Variants in CEP170 observed in about 807,000 individuals in gnomAD.
CEP170 encodes centrosomal protein 170.
In CEP170, 21 loss-of-function variants were observed where a neutral mutation model predicts 151.9. That is an observed-to-expected ratio of 0.14 (90% CI 0.10 to 0.20). CEP170 has a LOEUF of 0.20. Among genes scored for constraint, CEP170 ranks in the 10% least tolerant of loss-of-function variants. The pLI, the probability that CEP170 is intolerant of heterozygous loss-of-function variation, is 1.00. For missense variants in CEP170, 964 were observed against 1,892.9 expected, an observed-to-expected ratio of 0.51 and a Z score of 9.11; for synonymous variants, 356 against 648.8, an observed-to-expected ratio of 0.55 and a Z score of 6.86.
At chr1:243,151,216 G>C (rs914339431) in intron 14 of CEP170, among the ~76,000 whole-genome samples, 1 of 151,712 alleles carries the variant, frequency 6.6e-6, no homozygotes, top group African/African-American at 2.4e-5. Flanking sequence ...GTTGGTGTCA[G>C]TATGACCAAA....
chr1:243,153,335 G>A (rs2057283601), intron 14 of CEP170, among the ~76,000 whole-genome samples: 1 of 152,210 alleles, frequency 6.6e-6, no homozygotes, highest in African/African-American at 2.4e-5. Context: ...CAGTCGATAA[G>A]CCAGCGGCAG....
intron 14 of CEP170, among the ~76,000 whole-genome samples, chr1:243,149,493 T>C (rs2056859950): frequency 6.6e-6 from 1 of 152,150 alleles, no homozygotes; most frequent in Non-Finnish European, 1.5e-5. Context: ...AGGTGGTTTA[T>C]TTCCCTACTC....
At position 243,206,126 on chromosome 1, in the gene CEP170, C is replaced by T. The variant is rs181278902; in HGVS notation, c.275-5291G>A. ...AAAAAGCCAATTTCGAATTCTATCC[C>T]CAGCAACAGTAACTTTTTTTCTTTT... On this transcript the variant is annotated intron_variant, in intron 4 of 19. Transcript: ENST00000366542. Among the ~76,000 whole-genome samples, 3 of 152,226 alleles carry T rather than the reference C, an allele frequency of 2.0e-5. No individual in the cohort carries two copies. In the East Asian group the frequency reaches 5.8e-4, roughly 29 times the overall value.
rs191037350 is a variant in CEP170 at position 243,165,851 on chromosome 1, C to T, written c.2109G>A (p.Arg703=). ...TTTTGAGAGTCTCTCCATTTACTGC[C>T]CTGTTCATTTTACTCAAGGGTCTGT... The part of the protein sequence containing the change: ...DADRPLSKMN[R]AVNGETLKTG... The change falls in exon 13 of 20, where the codon AGG becomes AGA. Residue 703 remains arginine, a synonymous_variant. Transcript: ENST00000366542. 313 of 1,613,876 alleles carry T rather than the reference C, an allele frequency of 1.9e-4. 2 individuals are homozygous for T. In the East Asian group the frequency reaches 3.8e-3, roughly 20 times the overall value.
chr1:243,176,785 T>A (rs1461125100), intron 10 of CEP170: 1 of 393,894 alleles, frequency 2.5e-6, no homozygotes, highest in African/African-American at 2.1e-5. Flanking sequence ...TTACGTCTGA[T>A]AAAGGAGCTT....
At chr1:243,220,019 A>G in intron 3 of CEP170, among the ~76,000 whole-genome samples, 1 of 152,258 alleles carries the variant, frequency 6.6e-6, no homozygotes, top group East Asian at 1.9e-4. Context: ...CAAAATTGCT[A>G]ACATTCATGC....
intron 1 of CEP170, among the ~76,000 whole-genome samples, chr1:243,242,179 A>T (rs2149132689): frequency 6.6e-6 from 1 of 152,274 alleles, no homozygotes; most frequent in East Asian, 1.9e-4. Context: ...AATCGACCCA[A>T]TATCCACTAG....
At position 243,129,747 on chromosome 1, in the gene CEP170, A is replaced by G. The variant is rs77467038; in HGVS notation, c.4320-294T>C. Among the ~76,000 whole-genome samples the G allele has an allele frequency of 1.8e-4, 27 of 152,208 alleles. No individual in the cohort carries two copies. The East Asian group carries it at 5.0e-3, about 28-fold the overall frequency. On this transcript the variant is annotated intron_variant, in intron 17 of 19. Coordinates refer to ENST00000366542, the MANE Select transcript of CEP170 (RefSeq NM_014812.3). Reference sequence around the variant, plus strand: ...GATGTTATGACCTCAAAACTTTAATATTTATAATTTACAATACAGTAATGC... The same window carrying G: ...GATGTTATGACCTCAAAACTTTAATGTTTATAATTTACAATACAGTAATGC...
chr1:243,129,213 G>C (rs1050906641), intron 18 of CEP170, 147 bp downstream of exon 18: 3 of 500,240 alleles, frequency 6.0e-6, no homozygotes, highest in Admixed American at 3.7e-5. Context: ...AAACCTGTGA[G>C]TCAGTAGAAG....
chr1:243,178,277 C>G (rs561675076), intron 10 of CEP170, among the ~76,000 whole-genome samples: 3 of 137,764 alleles, frequency 2.2e-5, no homozygotes, highest in African/African-American at 8.3e-5. Context: ...CCACTGCACT[C>G]CAGCCTGGGC....
intron 10 of CEP170, among the ~76,000 whole-genome samples, chr1:243,182,973 T>A (rs1463109575): frequency 2.1e-5 from 3 of 144,918 alleles, no homozygotes; most frequent in Non-Finnish European, 4.6e-5. Context: ...AGTGACTACT[T>A]TTTTTTTTTT....
At chr1:243,235,739 A>C (rs2064189857) in intron 1 of CEP170, among the ~76,000 whole-genome samples, 1 of 152,130 alleles carries the variant, frequency 6.6e-6, no homozygotes, top group Non-Finnish European at 1.5e-5. Flanking sequence ...ATACCACACC[A>C]CATATTCTAT....
intron 1 of CEP170, among the ~76,000 whole-genome samples, chr1:243,245,824 C>T (rs1376722705): frequency 6.6e-6 from 1 of 151,928 alleles, no homozygotes; most frequent in African/African-American, 2.4e-5. Context: ...CCCATGCCTA[C>T]AGTCCCAGCT....
chr1:243,164,969 T>C lies in CEP170; in HGVS notation c.2991A>G (p.Thr997=), dbSNP rs371745501. Residue 997 remains threonine, a synonymous_variant, in exon 13 of 20, where the codon ACA becomes ACG. Coordinates refer to ENST00000366542, the MANE Select transcript of CEP170 (RefSeq NM_014812.3). ...KMEKKTKSRS[T]DVGSRADGRK... Reference sequence around the variant, plus strand: ...GACCATCTGCTCTTGAACCCACATCTGTGGAACGACTTTTTGTTTTCTTTT... The same window carrying C: ...GACCATCTGCTCTTGAACCCACATCCGTGGAACGACTTTTTGTTTTCTTTT... 42 of 1,613,896 alleles carry C rather than the reference T, an allele frequency of 2.6e-5. No individual in the cohort carries two copies. The African/African-American group carries it at 5.5e-4, about 21-fold the overall frequency.
rs192889442 is a variant in CEP170, at chr1:243,203,670, A to G, written c.275-2835T>C. ...GAAAAACATATTTTTCAAAATTAAT[A>G]TATTTCATACATGTGATTTAAAAAA... is the stretch of plus-strand genomic sequence containing the variant. On this transcript the variant is annotated intron_variant, in intron 4 of 19. Coordinates refer to ENST00000366542, the MANE Select transcript of CEP170 (RefSeq NM_014812.3). Among the ~76,000 whole-genome samples, 36 of 152,264 alleles carry G rather than the reference A, an allele frequency of 2.4e-4. No individual in the cohort carries two copies. In the East Asian group the frequency reaches 4.8e-3, roughly 20 times the overall value.
At chr1:243,158,641 CA>C (rs1423154221) in intron 13 of CEP170, among the ~76,000 whole-genome samples, 1 of 152,126 alleles carries the variant, frequency 6.6e-6, no homozygotes, top group Non-Finnish European at 1.5e-5. Context: ...AGCTTAGGAT[CA>C]AAATGCAATT....
intron 3 of CEP170, among the ~76,000 whole-genome samples, chr1:243,219,802 A>C (rs1254356903): frequency 6.6e-6 from 1 of 152,244 alleles, no homozygotes; most frequent in Admixed American, 6.5e-5. Context: ...CCACTAAAGA[A>C]AGATTTACTG....
intron 1 of CEP170, among the ~76,000 whole-genome samples, chr1:243,243,401 C>T (rs2065046606): frequency 6.6e-6 from 1 of 152,110 alleles, no homozygotes; most frequent in African/African-American, 2.4e-5. Context: ...GGATTTGCCA[C>T]TAAAGGATAG....
At chr1:243,220,994 C>A (rs1406048356) in intron 3 of CEP170, among the ~76,000 whole-genome samples, 1 of 152,124 alleles carries the variant, frequency 6.6e-6, no homozygotes, top group Non-Finnish European at 1.5e-5. Flanking sequence ...AGAAAGTTGT[C>A]TACTCTCTGG....
Sources: allele counts gnomAD v4.1 joint callset (sites outside exome capture counted in the v4.1 genomes callset), GRCh38; gene constraint gnomAD v4.1.1; transcripts MANE v1.5; gene names NCBI Gene and HGNC (gene_info 2026-07-23, HGNC 2026-07-21).